The following SCN3A variants were observed in gnomAD, a reference collection of about 807,000 sequenced individuals.
SCN3A encodes sodium voltage-gated channel alpha subunit 3, also known as sodium channel protein type 3 subunit alpha.
Under a neutral mutation model 187.6 loss-of-function variants are expected in SCN3A, and 60 were observed. The ratio of observed to expected loss-of-function variants is 0.32; its 90% CI spans 0.26 to 0.40. The LOEUF (loss-of-function observed/expected upper bound fraction) is 0.40, where lower values mean the gene tolerates loss of function less well. Among genes scored for constraint, SCN3A ranks in the 10% least tolerant of loss-of-function variants. SCN3A has a pLI of 1.00. For missense variants in SCN3A, 1,601 were observed against 2,428.2 expected (o/e 0.66, Z 7.16); for synonymous variants, 788 against 829.2 (o/e 0.95, Z 0.85).
intron 1 of SCN3A, among the ~76,000 whole-genome samples, chr2:165,191,060 G>GT (rs58901959): frequency 0.16 from 18,504 of 113,450 alleles, 1,412 homozygotes; most frequent in East Asian, 0.21. Context: ...ATTTTACGTT[G>GT]TTTTTTTTTT....
At chr2:165,155,697 C>G in intron 10 of SCN3A, 65 bp downstream of exon 10, 2 of 1,591,900 alleles carry the variant, frequency 1.3e-6, no homozygotes, top group South Asian at 2.2e-5. Flanking sequence ...CCACACCCAG[C>G]CTATGCTTTT....
Position 165,162,728 on chromosome 2 carries a change from C to T in SCN3A, c.795G>A (p.Gly265=), listed in dbSNP as rs1356312832. 2 of 1,613,990 alleles carry T rather than the reference C, an allele frequency of 1.2e-6. No homozygotes were observed. Among genetic ancestry groups the T allele is most frequent in the African/African-American group, 1.3e-5 (1 of 74,900 alleles). The stretch of plus-strand genomic sequence containing the variant: ...TCAGATTGCCCATGAACAGCTGCAG[C>T]CCAATGAGAGCAAACACGCTCAGAC... ...VFCLSVFALI[G]LQLFMGNLRN... Residue 265 remains glycine (G), a synonymous_variant, in exon 8 of 28, where the codon GGG becomes GGA. Coordinates refer to ENST00000283254, the MANE Select transcript of SCN3A (RefSeq NM_006922.4).
chr2:165,191,059 TG>T (rs1401209310), intron 1 of SCN3A, among the ~76,000 whole-genome samples: 9 of 137,758 alleles, frequency 6.5e-5, no homozygotes, highest in Admixed American at 1.4e-4. Context: ...GATTTTACGT[TG>T]TTTTTTTTTT....
intron 9 of SCN3A, among the ~76,000 whole-genome samples, chr2:165,158,562 A>C (rs1689196085): frequency 1.5e-5 from 2 of 137,266 alleles, no homozygotes; most frequent in South Asian, 4.5e-4. Context: ...CTTTACCTAG[A>C]TAATCCCTCA....
chr2:165,112,380 G>A (rs950226605), intron 21 of SCN3A, among the ~76,000 whole-genome samples: 20 of 152,196 alleles, frequency 1.3e-4, no homozygotes, highest in East Asian at 3.9e-4. Context: ...AATGCATTTT[G>A]TTGTGTCTGT....
Position 165,158,855 on chromosome 2 carries a change from C to A in SCN3A, c.1032-2952G>T, listed in dbSNP as rs1386728855. Among the ~76,000 whole-genome samples the A allele has an allele frequency of 2.2e-5, 3 of 137,694 alleles. 1 individual carries two copies. The highest frequency in any genetic ancestry group is 8.9e-5 in the African/African-American group (3 of 33,876). 90.3% of individuals were successfully genotyped at this position (137,694 alleles called of 152,430 possible). A position where few individuals can be genotyped will look rare whatever the true frequency, so the allele number is the denominator to read the frequency against. On this transcript the variant is annotated intron_variant, in intron 9 of 27. Coordinates refer to ENST00000283254, the MANE Select transcript of SCN3A (RefSeq NM_006922.4). Reference sequence around the variant, plus strand: ...CCAGTTTGGGGTCATTGAAGGGCATCTTGGTTACTTCCAGTTTGGGGTCAT... The same window carrying A: ...CCAGTTTGGGGTCATTGAAGGGCATATTGGTTACTTCCAGTTTGGGGTCAT...
intron 21 of SCN3A, among the ~76,000 whole-genome samples, chr2:165,112,086 T>C (rs765203381): frequency 6.6e-6 from 1 of 152,184 alleles, no homozygotes; most frequent in Non-Finnish European, 1.5e-5. Context: ...AGGAAATGGC[T>C]AGAGATAGTA....
chr2:165,176,489 T>C, intron 2 of SCN3A, 45 bp from the exon 3 acceptor site: 4 of 1,482,436 alleles, frequency 2.7e-6, no homozygotes, highest in Non-Finnish European at 1.9e-6. Context: ...AAGCAAGCGA[T>C]TGGGCATAAG....
intron 21 of SCN3A, among the ~76,000 whole-genome samples, chr2:165,109,521 C>T (rs1376405530): frequency 1.3e-5 from 2 of 152,164 alleles, no homozygotes; most frequent in African/African-American, 4.8e-5. Context: ...CTATCCTCTA[C>T]CCATTTGTTC....
chr2:165,172,084 T>G (rs1248216120), intron 3 of SCN3A, among the ~76,000 whole-genome samples: 2 of 152,172 alleles, frequency 1.3e-5, no homozygotes, highest in Non-Finnish European at 2.9e-5. Context: ...ATATTGTCAG[T>G]ATAAAGGGCA....
intron 26 of SCN3A, chr2:165,094,108 A>C (rs936898235): frequency 6.5e-6 from 3 of 463,264 alleles, no homozygotes; most frequent in African/African-American, 5.9e-5. Context: ...GTAGCAGGAA[A>C]GTGAACCTTG....
rs374199083 is a variant in SCN3A, at chr2:165,168,722, T to G, written c.473+14A>C. 8.3e-6 allele frequency: 13 copies of G among 1,559,318 alleles called. No homozygotes were observed. In the African/African-American group the frequency reaches 1.8e-4, roughly 21 times the overall value. ...AGTGTGCATTTCTCATTCCCAGAAGTTATTCCTACTTACTCTACATTCTTT... is the reference window on the plus strand; with the variant it reads ...AGTGTGCATTTCTCATTCCCAGAAGGTATTCCTACTTACTCTACATTCTTT... On this transcript the variant is annotated intron_variant, in intron 5 of 27. Coordinates refer to ENST00000283254, the MANE Select transcript of SCN3A (RefSeq NM_006922.4).
chr2:165,112,785 T>C, intron 21 of SCN3A, 100 bp downstream of exon 21: 1 of 1,042,090 alleles, frequency 9.6e-7, no homozygotes, highest in Non-Finnish European at 1.5e-6. Flanking sequence ...AACTGCATAA[T>C]TATGTCATTA....
Position 165,148,732 on chromosome 2 carries a change from A to G in SCN3A, c.1381-1703T>C, listed in dbSNP as rs116682710. On this transcript the variant is annotated intron_variant, in intron 11 of 27. Transcript: ENST00000283254. ...AAGACAATACCCAGCATTTAAATAA[A>G]ACAGTAATTCAGAATTTAGATATTT... is the stretch of plus-strand genomic sequence containing the variant. Among the ~76,000 whole-genome samples the G allele has an allele frequency of 8.6e-3, 1,302 of 152,170 alleles. 18 individuals are homozygous for G. Among genetic ancestry groups the G allele is most frequent in the African/African-American group, 0.03 (1,245 of 41,550 alleles).
At chr2:165,198,804 G>C (rs117451219) in intron 1 of SCN3A, among the ~76,000 whole-genome samples, 1 of 151,968 alleles carries the variant, frequency 6.6e-6, no homozygotes, top group Non-Finnish European at 1.5e-5. Context: ...AAAATGCTCA[G>C]AGTACTTGGG....
At chr2:165,105,542 C>G (rs1438165116) in intron 21 of SCN3A, among the ~76,000 whole-genome samples, 1 of 152,112 alleles carries the variant, frequency 6.6e-6, no homozygotes, top group Non-Finnish European at 1.5e-5. Flanking sequence ...AGGTACAAAG[C>G]TGCCATGGGA....
intron 2 of SCN3A, among the ~76,000 whole-genome samples, chr2:165,182,987 A>AAG (rs1690985667): frequency 6.6e-6 from 1 of 151,854 alleles, no homozygotes; most frequent in African/African-American, 2.4e-5. Flanking sequence ...AAAAAAAAAA[A>AAG]AAGAAAGAAA....
intron 21 of SCN3A, among the ~76,000 whole-genome samples, chr2:165,110,668 G>A (rs938133789): frequency 6.6e-6 from 1 of 152,136 alleles, no homozygotes; most frequent in Admixed American, 6.5e-5. Context: ...TGTTATCTGA[G>A]GTTGCATTAA....
intron 1 of SCN3A, among the ~76,000 whole-genome samples, 170 bp from the exon 2 acceptor site, chr2:165,186,917 C>T (rs563478474): frequency 6.6e-6 from 1 of 152,160 alleles, no homozygotes; most frequent in Admixed American, 6.5e-5. Context: ...CATGCCCTAG[C>T]ATGATTTAGG....
Sources: allele counts gnomAD v4.1 joint callset (sites outside exome capture counted in the v4.1 genomes callset), GRCh38; gene constraint gnomAD v4.1.1; transcripts MANE v1.5; gene names NCBI Gene and HGNC (gene_info 2026-07-23, HGNC 2026-07-21).